Variants in OSBPL9 observed in about 807,000 individuals in gnomAD.
The protein encoded by OSBPL9 is oxysterol-binding protein-related protein 9.
In OSBPL9, 40 loss-of-function variants were observed where a neutral mutation model predicts 106.6. The observed-to-expected ratio is 0.38, with a 90% confidence interval of 0.29 to 0.49. OSBPL9 has a LOEUF of 0.49. Among genes scored for constraint, OSBPL9 ranks in the 20% least tolerant of loss-of-function variants. The pLI, the probability that OSBPL9 is intolerant of heterozygous loss-of-function variation, is 0.97. For synonymous variants in OSBPL9, 269 were observed against 295.4 expected, an observed-to-expected ratio of 0.91 and a Z score of 0.92; for missense variants, 609 against 887.2, an observed-to-expected ratio of 0.69 and a Z score of 3.98.
the OSBPL9 span, among the ~76,000 whole-genome samples, chr1:51,527,198 C>T: frequency 2.0e-5 from 3 of 151,926 alleles, no homozygotes; most frequent in African/African-American, 7.3e-5. Context: ...ACTCTTTGAC[C>T]CTCAGTTTCA....
chr1:51,637,049 G>A (rs1326871236), intron 1 of OSBPL9, among the ~76,000 whole-genome samples: 1 of 152,278 alleles, frequency 6.6e-6, no homozygotes, highest in East Asian at 1.9e-4. Flanking sequence ...CTTTAAGGAA[G>A]ACTTAAATTA....
At position 51,772,103 on chromosome 1, in the gene OSBPL9, C is replaced by A. The variant is rs1175902261; in HGVS notation, c.972C>A (p.Ser324Arg). The A allele has an allele frequency of 6.2e-7, 1 of 1,613,866 alleles. No homozygotes were observed. The highest frequency in any genetic ancestry group is 1.3e-5 in the African/African-American group (1 of 74,928). The change falls in exon 13 of 24, where the codon AGC (serine) becomes AGA (arginine). Residue 324 changes from serine (S) to arginine (R), a missense_variant. Physicochemically the swap from Ser to Arg is moderately radical, Grantham distance 110. Around this residue, in one of 5 missense-constraint regions of OSBPL9, gnomAD observed 356 missense variants for 505.8 expected, o/e 0.70. Coordinates refer to ENST00000428468, the MANE Select transcript of OSBPL9 (RefSeq NM_024586.6). ...GATCTGCCTCAGTCCTGACACACAG[C>A]AGCTCGGGAAATAGTCTAAAACGCC... ...SSGSASVLTHSSSGNSLKRPD... is the reference protein window; with the variant it reads ...SSGSASVLTHRSSGNSLKRPD...
In OSBPL9 at chr1:51,789,198, A is replaced by AAT. The variant is rs761945629; in HGVS notation, c.*1411_*1412dup. 1 of 1,568,194 alleles carries AAT rather than the reference A, an allele frequency of 6.4e-7. No homozygotes were observed. The highest frequency in any genetic ancestry group is 8.8e-7 in the Non-Finnish European group (1 of 1,138,572). On this transcript the variant is annotated 3_prime_UTR_variant, in exon 24 of 24. Transcript: ENST00000428468. ...TAAAATACAAACAAACACATTTTAAAATACACATTGCTTCAGGCCAACGTG... is the reference window on the plus strand; with the variant it reads ...TAAAATACAAACAAACACATTTTAAAATATACACATTGCTTCAGGCCAACGTG...
chr1:51,597,928 T>A (rs1178514294), intron 1 of OSBPL9, among the ~76,000 whole-genome samples: 1 of 152,210 alleles, frequency 6.6e-6, no homozygotes, highest in Non-Finnish European at 1.5e-5. Context: ...CCAGGAATTC[T>A]CAGGCCAGTT....
chr1:51,721,897 C>T (rs1407120914), intron 4 of OSBPL9, among the ~76,000 whole-genome samples: 2 of 152,172 alleles, frequency 1.3e-5, no homozygotes, highest in Admixed American at 6.5e-5. Flanking sequence ...ACATTTAGAG[C>T]ATACAGGAAA....
chr1:51,687,447 G>C (rs1157006227), intron 3 of OSBPL9, among the ~76,000 whole-genome samples: 1 of 152,176 alleles, frequency 6.6e-6, no homozygotes, highest in East Asian at 1.9e-4. Flanking sequence ...GTGCCATAGA[G>C]ACCTATGGAA....
At chr1:51,616,006 T>G (rs995776251), upstream of OSBPL9, among the ~76,000 whole-genome samples, 4 of 103,048 alleles carry the variant, frequency 3.9e-5, no homozygotes, top group African/African-American at 8.8e-5. Flanking sequence ...TCCTTTGGTT[T>G]TTTTTTTTTT....
chr1:51,690,854 A>G (rs752576574), intron 3 of OSBPL9, among the ~76,000 whole-genome samples: 1 of 152,242 alleles, frequency 6.6e-6, no homozygotes, highest in Non-Finnish European at 1.5e-5. Context: ...CATTGTGCCA[A>G]CATCACAGTG....
chr1:51,753,163 C>T (rs754914038), intron 8 of OSBPL9, among the ~76,000 whole-genome samples: 16 of 152,090 alleles, frequency 1.1e-4, no homozygotes, highest in Non-Finnish European at 1.6e-4. Context: ...ATCAGTTAAT[C>T]TATGATTAAG....
intron 1 of OSBPL9, among the ~76,000 whole-genome samples, chr1:51,637,905 A>G (rs1252848337): frequency 6.6e-6 from 1 of 152,334 alleles, no homozygotes; most frequent in African/African-American, 2.4e-5. Flanking sequence ...ACCTATTACC[A>G]GAATGTAACA....
intron 16 of OSBPL9, among the ~76,000 whole-genome samples, chr1:51,781,962 G>T (rs993465798): frequency 6.6e-6 from 1 of 152,070 alleles, no homozygotes; most frequent in Non-Finnish European, 1.5e-5. Context: ...GTCTGAGATG[G>T]GGATGGGGCT....
chr1:51,748,250 T>A, intron 6 of OSBPL9, 119 bp from the exon 7 acceptor site: 7 of 1,198,380 alleles, frequency 5.8e-6, no homozygotes, highest in South Asian at 5.6e-5. Context: ...CCCAACTTGC[T>A]TGTACTCACT....
the OSBPL9 span, chr1:51,519,108 T>C: frequency 6.8e-6 from 6 of 885,030 alleles, no homozygotes; most frequent in African/African-American, 5.3e-5. Context: ...GCTGCCTGCT[T>C]GGCCCACAAG....
the OSBPL9 span, among the ~76,000 whole-genome samples, chr1:51,563,415 A>G: frequency 1.3e-5 from 2 of 152,104 alleles, no homozygotes; most frequent in East Asian, 3.9e-4. Flanking sequence ...GCCTGGCCCT[A>G]TACCTGTCAA....
the OSBPL9 span, among the ~76,000 whole-genome samples, chr1:51,562,373 T>A: frequency 6.6e-6 from 1 of 152,198 alleles, no homozygotes; most frequent in Non-Finnish European, 1.5e-5. Context: ...GCCATCACAG[T>A]GGACACCTGA....
the OSBPL9 span, among the ~76,000 whole-genome samples, chr1:51,553,602 G>C: frequency 6.6e-6 from 1 of 152,124 alleles, no homozygotes. Context: ...ACAGCAGATA[G>C]TCTGACACAC....
At chr1:51,694,247 G>A (rs1413873702) in intron 3 of OSBPL9, among the ~76,000 whole-genome samples, 1 of 152,144 alleles carries the variant, frequency 6.6e-6, no homozygotes, top group Non-Finnish European at 1.5e-5. Context: ...ACATTAATGA[G>A]AAAATAATAA....
At chr1:51,638,846 G>T (rs1458916924) in intron 1 of OSBPL9, among the ~76,000 whole-genome samples, 4 of 152,004 alleles carry the variant, frequency 2.6e-5, no homozygotes, top group African/African-American at 9.7e-5. Context: ...AGATGCAGTG[G>T]CTCACACCTG....
intron 3 of OSBPL9, among the ~76,000 whole-genome samples, chr1:51,711,444 C>A (rs537183139): frequency 2.4e-5 from 3 of 127,022 alleles, no homozygotes; most frequent in African/African-American, 2.9e-5. Context: ...CTGGACGGGG[C>A]GGCTGGCCGG....
Sources: allele counts gnomAD v4.1 joint callset (sites outside exome capture counted in the v4.1 genomes callset), GRCh38; gene constraint gnomAD v4.1.1; regional missense constraint gnomAD v4.1.1; transcripts MANE v1.5; gene names NCBI Gene and HGNC (gene_info 2026-07-23, HGNC 2026-07-21).